BRI3: variants seen among roughly 807,000 people sequenced by gnomAD.
The protein encoded by BRI3 is membrane protein BRI3.
Under a neutral mutation model 12.8 loss-of-function variants are expected in BRI3, and 6 were observed. The ratio of observed to expected loss-of-function variants is 0.47; its 90% CI spans 0.26 to 0.93. The LOEUF (loss-of-function observed/expected upper bound fraction) is 0.93. BRI3 is among the 40% of genes least tolerant of loss of function. BRI3 has a pLI of 0.15. For synonymous variants in BRI3, 91 were observed against 76.1 expected, an observed-to-expected ratio of 1.20 and a Z score of -1.02; for missense variants, 134 against 171.1, an observed-to-expected ratio of 0.78 and a Z score of 1.21.
chr7:98,307,777 G>GT, exon 2 of BRI3: 1 of 1,614,260 alleles, frequency 6.2e-7, no homozygotes, highest in Non-Finnish European at 8.5e-7. Context: ...GCAAAGCTGA[G>GT]TAAGGTCTTG....
the BRI3 span, among the ~76,000 whole-genome samples, chr7:98,321,954 G>A: frequency 1.3e-5 from 2 of 152,110 alleles, no homozygotes. Context: ...AAATTAGCTG[G>A]GCATGATGGC....
At chr7:98,310,797 G>A (rs538819982), downstream of BRI3, among the ~76,000 whole-genome samples, 1 of 152,010 alleles carries the variant, frequency 6.6e-6, no homozygotes, top group African/African-American at 2.4e-5. Context: ...AGTGATTCTT[G>A]TGCCTCAGCC....
chr7:98,300,995 C>T (rs1562964287), intron 1 of BRI3, among the ~76,000 whole-genome samples: 1 of 152,224 alleles, frequency 6.6e-6, no homozygotes, highest in Non-Finnish European at 1.5e-5. Context: ...TCGAGCGCTC[C>T]CTGGACTCCA....
chr7:98,300,909 C>T (rs572034050), intron 1 of BRI3, among the ~76,000 whole-genome samples: 11 of 152,286 alleles, frequency 7.2e-5, no homozygotes, highest in South Asian at 2.1e-4. Flanking sequence ...AGCCTGGCTC[C>T]GACGCTTTCC....
chr7:98,302,789 C>T (rs1351929546), upstream of BRI3, among the ~76,000 whole-genome samples: 1 of 152,070 alleles, frequency 6.6e-6, no homozygotes, highest in Non-Finnish European at 1.5e-5. Flanking sequence ...ACACTGTAAA[C>T]CATTTTTCTT....
intron 2 of BRI3, among the ~76,000 whole-genome samples, chr7:98,285,358 G>A (rs1379754559): frequency 6.6e-6 from 1 of 152,146 alleles, no homozygotes; most frequent in Admixed American, 6.5e-5. Context: ...GCTTCCAGAC[G>A]ATGGAGGTGG....
At chr7:98,298,652 C>T (rs1800291014) in intron 1 of BRI3, among the ~76,000 whole-genome samples, 1 of 152,094 alleles carries the variant, frequency 6.6e-6, no homozygotes, top group Admixed American at 6.5e-5. Flanking sequence ...TTTCCCAGCT[C>T]TCATGGATCC....
downstream of BRI3, chr7:98,310,709 C>CTCTGTCTCAAAAT: frequency 1.9e-6 from 1 of 527,998 alleles, no homozygotes; most frequent in Non-Finnish European, 2.9e-6. Flanking sequence ...TATTTTGAGA[C>CTCTGTCTCAAAAT]AGAGTCTCGC....
the BRI3 span, chr7:98,317,238 T>C: frequency 2.5e-6 from 4 of 1,614,154 alleles, no homozygotes; most frequent in African/African-American, 1.3e-5. Context: ...TTTGTGTTCA[T>C]ATTTGAGTGC....
At chr7:98,288,721 C>T (rs946609944) in intron 2 of BRI3, among the ~76,000 whole-genome samples, 4 of 152,078 alleles carry the variant, frequency 2.6e-5, no homozygotes, top group South Asian at 2.1e-4. Context: ...TTCCCAAAAT[C>T]GGCTGAACAA....
chr7:98,308,140 G>C, exon 2 of BRI3: 1 of 637,452 alleles, frequency 1.6e-6, no homozygotes. Context: ...CTGCGGCTGC[G>C]GGCTCTTTTC....
chr7:98,318,525 C>T, the BRI3 span, among the ~76,000 whole-genome samples: 11 of 151,906 alleles, frequency 7.2e-5, no homozygotes, highest in African/African-American at 1.7e-4. Context: ...TGGATCCACC[C>T]GCCTTGGCCT....
intron 2 of BRI3, among the ~76,000 whole-genome samples, chr7:98,288,460 C>A (rs560657619): frequency 2.6e-4 from 40 of 152,126 alleles, no homozygotes; most frequent in African/African-American, 9.6e-4. Flanking sequence ...GGTGGCCTGA[C>A]GACCTTCTGG....
chr7:98,312,126 C>A (rs1408655953), downstream of BRI3: 1 of 1,612,770 alleles, frequency 6.2e-7, no homozygotes, highest in Non-Finnish European at 8.5e-7. Flanking sequence ...ATGGGTGAAG[C>A]CTGAGGAGTT....
At chr7:98,311,974 G>T, downstream of BRI3, 1 of 998,574 alleles carries the variant, frequency 1.0e-6, no homozygotes, top group Non-Finnish European at 1.5e-6. Context: ...GGATAGAGGT[G>T]CGAAAAGGTG....
At chr7:98,320,699 G>T in the BRI3 span, among the ~76,000 whole-genome samples, 1 of 152,132 alleles carries the variant, frequency 6.6e-6, no homozygotes, top group Non-Finnish European at 1.5e-5. Context: ...GAAATACACT[G>T]TCCTCAGGGT....
rs111375348 is a variant in BRI3 at position 98,299,763 on chromosome 7, G to A, written c.72-6720G>A. On this transcript the variant is annotated intron_variant and NMD_transcript_variant, in intron 1 of 2. Transcript: ENST00000491463. ...ATGGCTACTTAAAATAAAATTTGCC[G>A]GGCGCAGTGACTCACGCCTATATTC... Among the ~76,000 whole-genome samples, 906 of 152,268 alleles carry A rather than the reference G, an allele frequency of 6.0e-3. 18 individuals are homozygous for A. Among genetic ancestry groups the A allele is most frequent in the African/African-American group, 0.02 (842 of 41,554 alleles).
chr7:98,316,517 C>T, the BRI3 span, among the ~76,000 whole-genome samples: 1 of 152,092 alleles, frequency 6.6e-6, no homozygotes, highest in South Asian at 2.1e-4. Context: ...AGTCAAAATG[C>T]TTATTTTTAA....
At chr7:98,284,292 G>A (rs1053924778) in intron 2 of BRI3, among the ~76,000 whole-genome samples, 9 of 152,242 alleles carry the variant, frequency 5.9e-5, no homozygotes, top group Non-Finnish European at 7.3e-5. Context: ...CAGCACACAC[G>A]TCCCTGCGCT....
Sources: gnomAD v4.1 joint callset for allele counts (sites outside exome capture counted in the v4.1 genomes callset) on GRCh38, gnomAD v4.1.1 for gene constraint, MANE v1.5 for transcripts, NCBI Gene and HGNC (gene_info 2026-07-23, HGNC 2026-07-21) for gene names.